The following ABCB7 variants were observed in gnomAD, a reference collection of about 807,000 sequenced individuals.
ABCB7 encodes the protein ATP binding cassette subfamily B member 7.
Under a neutral mutation model 54.4 loss-of-function variants are expected in ABCB7, and 7 were observed. The observed-to-expected ratio is 0.13, with a 90% CI of 0.07 to 0.24. ABCB7 has a LOEUF of 0.24. Among genes scored for constraint, ABCB7 ranks in the 10% least tolerant of loss-of-function variants. The probability of loss-of-function intolerance (pLI) is 1.00; values close to 1 mark genes in which losing one functional copy is unlikely to be tolerated. For synonymous variants in ABCB7, 218 were observed against 207.1 expected, an observed-to-expected ratio of 1.05 and a Z score of -0.45; for missense variants, 356 against 570.4, an observed-to-expected ratio of 0.62 and a Z score of 3.83.
chrX:75,065,046 G>A lies in ABCB7; in HGVS notation c.1831+24C>T, dbSNP rs142796743. On this transcript the variant is annotated intron_variant, in intron 13 of 15. Transcript: ENST00000373394. ...GTTTGAAAGAAGTATACAAGAAGGG[G>A]GCAGGTCTAAAATCTCTGATCACCT... 6,572 of 1,204,582 alleles carry A rather than the reference G, an allele frequency of 5.5e-3. 233 individuals are homozygous for A. In the African/African-American group the frequency reaches 0.1, roughly 19 times the overall value.
At chrX:75,130,618 C>T (rs1340855756) in intron 1 of ABCB7, among the ~76,000 whole-genome samples, 26 of 111,723 alleles carry the variant, frequency 2.3e-4, no homozygotes, top group Admixed American at 2.1e-3. Flanking sequence ...AGGGGCTTAT[C>T]TTGTACCTAT....
intron 1 of ABCB7, among the ~76,000 whole-genome samples, chrX:75,148,807 T>C (rs1276780719): frequency 3.6e-5 from 4 of 111,350 alleles, no homozygotes; most frequent in Non-Finnish European, 7.5e-5. Flanking sequence ...GTTCCAGAAC[T>C]GTGAGAAAAT....
intron 8 of ABCB7, 75 bp from the exon 9 acceptor site, chrX:75,071,758 A>G: frequency 1.4e-6 from 1 of 725,997 alleles, no homozygotes; most frequent in Non-Finnish European, 2.0e-6. Flanking sequence ...TATACTTTTC[A>G]TCAGACTTCA....
At chrX:75,134,444 C>T (rs1013821016) in intron 1 of ABCB7, among the ~76,000 whole-genome samples, 3 of 111,606 alleles carry the variant, frequency 2.7e-5, no homozygotes, top group South Asian at 3.8e-4. Flanking sequence ...CGAAGATATT[C>T]GGGACTTAAC....
intron 1 of ABCB7, among the ~76,000 whole-genome samples, chrX:75,136,755 T>G (rs936682424): frequency 2.7e-5 from 3 of 111,977 alleles, no homozygotes; most frequent in Non-Finnish European, 5.6e-5. Context: ...CATCTGATGT[T>G]CAACAAAGCC....
chrX:75,074,173 A>G (rs997022230), intron 6 of ABCB7, among the ~76,000 whole-genome samples: 11 of 111,774 alleles, frequency 9.8e-5, no homozygotes, highest in African/African-American at 3.2e-4. Flanking sequence ...CATCAGTAGT[A>G]CCATCAAATA....
intron 4 of ABCB7, among the ~76,000 whole-genome samples, chrX:75,090,453 T>C (rs777354832): frequency 7.2e-5 from 8 of 110,610 alleles, no homozygotes; most frequent in African/African-American, 2.3e-4. Context: ...AAGATGAAGA[T>C]ACAATGTATC....
At chrX:75,096,070 C>T (rs1487015413) in intron 4 of ABCB7, among the ~76,000 whole-genome samples, 2 of 112,249 alleles carry the variant, frequency 1.8e-5, no homozygotes, top group African/African-American at 6.5e-5. Flanking sequence ...CTGCCTTTAA[C>T]TTGTCAGCAA....
chrX:75,063,024 T>C (rs1008940536), intron 13 of ABCB7, among the ~76,000 whole-genome samples: 2 of 111,251 alleles, frequency 1.8e-5, no homozygotes, highest in Non-Finnish European at 3.8e-5. Flanking sequence ...CTCTAGCATA[T>C]CAAATTTTTA....
chrX:75,140,106 T>C (rs1181851182), intron 1 of ABCB7, among the ~76,000 whole-genome samples: 1 of 111,600 alleles, frequency 9.0e-6, no homozygotes, highest in African/African-American at 3.3e-5. Flanking sequence ...CCAATAGAAA[T>C]CTCTACAGGA....
At chrX:75,084,079 A>T (rs887348748) in intron 4 of ABCB7, among the ~76,000 whole-genome samples, 1 of 111,052 alleles carries the variant, frequency 9.0e-6, no homozygotes, top group African/African-American at 3.3e-5. Flanking sequence ...CATGCTGTTG[A>T]TGCTGAAGAT....
rs897449802 is a variant in ABCB7 at position 75,053,570 on chromosome X, G to A, written c.2059C>T (p.Arg687Cys). The change falls in exon 16 of 16, where the codon CGT becomes TGT. Residue 687 changes from arginine to cysteine, a missense_variant. This residue lies in a region of ABCB7 where 241 missense variants were observed against 470.9 expected (regional missense o/e 0.51). Transcript: ENST00000373394. ...IVLDQGKVAE[R>C]GTHHGLLANP... The stretch of plus-strand genomic sequence containing the variant: ...GCAAGCAAACCATGGTGGGTACCAC[G>A]TTCGGCTACCTTACCCTAAAAAGTA... The A allele has an allele frequency of 7.6e-6, 9 of 1,185,588 alleles. No individual in the cohort carries two copies. Among genetic ancestry groups the A allele is most frequent in the Middle Eastern group, 2.3e-4 (1 of 4,341 alleles).
Position 75,069,402 on chromosome X carries a change from G to A in ABCB7, c.1418C>T (p.Ala473Val). Residue 473 changes from alanine to valine, a missense_variant, in exon 11 of 16, where the codon GCC becomes GTC. By Grantham distance (64) the Ala-to-Val change is moderately conservative. Coordinates refer to ENST00000373394, the MANE Select transcript of ABCB7 (RefSeq NM_001271696.3). ...LQITPQTATV[A>V]FDNVHFEYIE... ...GTATTCAAAATGCACATTATCAAAG[G>A]CCACGGTAGCTGTCTGTGGTGTGAT... 8.3e-7 allele frequency: 1 copy of A among 1,209,660 alleles called. No homozygotes were observed. The highest frequency in any genetic ancestry group is 1.1e-6 in the Non-Finnish European group (1 of 894,197).
rs150635167 is a variant in ABCB7 at position 75,115,020 on chromosome X, G to A, written c.169-189C>T. On this transcript the variant is annotated intron_variant, in intron 1 of 15. Transcript: ENST00000373394. ...CCTGGTGGCTCACGCCTATAATCCT[G>A]GCACTTTGGGAGGCTAAGGCGGGCG... Among the ~76,000 whole-genome samples the A allele has an allele frequency of 6.2e-4, 69 of 110,787 alleles. No individual in the cohort carries two copies. The East Asian group carries it at 0.014, about 23-fold the overall frequency.
intron 4 of ABCB7, among the ~76,000 whole-genome samples, chrX:75,078,426 A>G (rs1281507393): frequency 1.8e-5 from 2 of 111,154 alleles, no homozygotes; most frequent in Non-Finnish European, 3.8e-5. Flanking sequence ...CTTTTTGCAT[A>G]AATTTGAGGG....
chrX:75,111,716 A>G (rs773222771), intron 3 of ABCB7, among the ~76,000 whole-genome samples: 2 of 112,777 alleles, frequency 1.8e-5, no homozygotes, highest in Non-Finnish European at 3.7e-5. Context: ...GACTAACTAT[A>G]AAGTATTACG....
rs60600801 is a variant in ABCB7, at chrX:75,064,011, G to T, written c.1831+1059C>A. Among the ~76,000 whole-genome samples the T allele has an allele frequency of 8.4e-3, 929 of 111,112 alleles. 18 individuals are homozygous for T. Among genetic ancestry groups the T allele is most frequent in the African/African-American group, 0.029 (878 of 30,648 alleles). On this transcript the variant is annotated intron_variant, in intron 13 of 15. Coordinates refer to ENST00000373394, the MANE Select transcript of ABCB7 (RefSeq NM_001271696.3). Reference sequence around the variant, plus strand: ...ATTAGCCAAACGGACACATAATTTGGGGGTGGGCCAGATAACTGGAAATTA... The same window carrying T: ...ATTAGCCAAACGGACACATAATTTGTGGGTGGGCCAGATAACTGGAAATTA...
At chrX:75,139,361 A>G (rs1393365228) in intron 1 of ABCB7, among the ~76,000 whole-genome samples, 2 of 111,775 alleles carry the variant, frequency 1.8e-5, no homozygotes, top group Admixed American at 1.9e-4. Context: ...CACTTTGCAC[A>G]TTTGCTGACA....
chrX:75,102,986 A>G (rs1016616363), intron 3 of ABCB7, among the ~76,000 whole-genome samples: 15 of 110,598 alleles, frequency 1.4e-4, no homozygotes, highest in African/African-American at 4.9e-4. Context: ...TGATTTTTTT[A>G]TTATTGAGTT....
Sources: gnomAD v4.1 joint callset for allele counts (sites outside exome capture counted in the v4.1 genomes callset) on GRCh38, gnomAD v4.1.1 for gene constraint, gnomAD v4.1.1 regional missense constraint, MANE v1.5 for transcripts, NCBI Gene and HGNC (gene_info 2026-07-23, HGNC 2026-07-21) for gene names.